Variants in SDK2 observed in about 807,000 individuals in gnomAD.
SDK2 encodes sidekick cell adhesion molecule 2.
A neutral mutation model predicts 253.9 loss-of-function variants in SDK2; 105 were observed. The observed-to-expected ratio is 0.41, with a 90% CI of 0.35 to 0.49. The LOEUF (loss-of-function observed/expected upper bound fraction) is 0.49, where lower values mean the gene tolerates loss of function less well. SDK2 is among the 20% of genes least tolerant of loss of function. The probability of loss-of-function intolerance (pLI) is 0.06; values close to 1 mark genes in which losing one functional copy is unlikely to be tolerated. For missense variants in SDK2, 2,608 were observed against 3,003.0 expected (o/e 0.87, Z 3.07); for synonymous variants, 1,249 against 1,234.9 (o/e 1.01, Z -0.24).
chr17:73,628,454 T>A (rs2046229938), intron 1 of SDK2, among the ~76,000 whole-genome samples: 1 of 152,208 alleles, frequency 6.6e-6, no homozygotes. Context: ...AGATTGACAT[T>A]GCACCTGCAA....
At chr17:73,412,206 A>C (rs1245977582) in intron 18 of SDK2, among the ~76,000 whole-genome samples, 1 of 149,286 alleles carries the variant, frequency 6.7e-6, no homozygotes, top group East Asian at 2.0e-4. Context: ...ATATACATAT[A>C]TGTATATGCA....
At position 73,335,455 on chromosome 17, in the gene SDK2, A is replaced by G. The variant is rs2062370624; in HGVS notation, c.*3132T>C. On this transcript the variant is annotated 3_prime_UTR_variant, in exon 45 of 45. Transcript: ENST00000392650. ...GGGTCCCACTCTTTCTACAAAGGGC[A>G]GGGCCCACCACCCCTTTCTAATGTG... 6.6e-6 allele frequency: 1 copy of G among 152,228 alleles called. No homozygotes were observed. Among genetic ancestry groups the G allele is most frequent in the Non-Finnish European group, 1.5e-5 (1 of 68,050 alleles). 9.4% of individuals were successfully genotyped at this position (152,228 alleles called of 1,614,324 possible). A position where few individuals can be genotyped will look rare whatever the true frequency, so the allele number is the denominator to read the frequency against.
intron 29 of SDK2, among the ~76,000 whole-genome samples, chr17:73,389,372 C>T (rs1440465932): frequency 2.0e-5 from 3 of 151,780 alleles, no homozygotes; most frequent in Non-Finnish European, 4.4e-5. Flanking sequence ...TTAGTAGGGA[C>T]GAGGTTTCAC....
intron 2 of SDK2, among the ~76,000 whole-genome samples, chr17:73,488,217 C>G (rs571978456): frequency 2.2e-4 from 34 of 151,690 alleles, no homozygotes; most frequent in African/African-American, 8.0e-4. Flanking sequence ...GGGGTTTCAC[C>G]GTGTTAGCCA....
intron 18 of SDK2, among the ~76,000 whole-genome samples, chr17:73,402,511 T>A (rs2063037146): frequency 6.6e-6 from 1 of 152,220 alleles, no homozygotes; most frequent in African/African-American, 2.4e-5. Context: ...CTAAGAATTT[T>A]AAGATGATAG....
Position 73,447,558 on chromosome 17 carries a change from C to T in SDK2, c.613+57G>A. Reference sequence around the variant, plus strand: ...TCTTCCCAATGATCCCCTGGAGCACCATTGCTAAGATTTAATGGCCCGCTC... The same window carrying T: ...TCTTCCCAATGATCCCCTGGAGCACTATTGCTAAGATTTAATGGCCCGCTC... On this transcript the variant is annotated intron_variant, in intron 5 of 44. Coordinates refer to ENST00000392650, the MANE Select transcript of SDK2 (RefSeq NM_001144952.2). This position sits in a 1 kb window ranked among gnomAD's most constrained non-coding sequence, Gnocchi z 4.0. The T allele has an allele frequency of 6.5e-7, 1 of 1,545,908 alleles. No homozygotes were observed. The highest frequency in any genetic ancestry group is 8.8e-7 in the Non-Finnish European group (1 of 1,142,362).
At chr17:73,553,603 G>T (rs2045097566) in intron 1 of SDK2, among the ~76,000 whole-genome samples, 1 of 152,040 alleles carries the variant, frequency 6.6e-6, no homozygotes, top group South Asian at 2.1e-4. Flanking sequence ...GAGGCCCAGG[G>T]TCACCCCTGA....
Position 73,367,372 on chromosome 17 carries a change from C to T in SDK2, c.5167+1035G>A, listed in dbSNP as rs183657880. Among the ~76,000 whole-genome samples, 15 of 152,302 alleles carry T rather than the reference C, an allele frequency of 9.8e-5. 1 individual carries two copies. In the East Asian group the frequency reaches 2.9e-3, roughly 29 times the overall value. ...CCTGAGCTCTCGCCCCATTTTCCTG[C>T]AAGCCACCTGGCTTTCTCTGCGTTC... On this transcript the variant is annotated intron_variant, in intron 37 of 44. Coordinates refer to ENST00000392650, the MANE Select transcript of SDK2 (RefSeq NM_001144952.2).
intron 1 of SDK2, among the ~76,000 whole-genome samples, chr17:73,603,619 T>C (rs1435007842): frequency 6.6e-6 from 1 of 152,228 alleles, no homozygotes; most frequent in Admixed American, 6.5e-5. Context: ...AGCAGCCACT[T>C]ACGCTTCCCA....
intron 12 of SDK2, among the ~76,000 whole-genome samples, chr17:73,429,553 T>A (rs2063309501): frequency 6.6e-6 from 1 of 152,210 alleles, no homozygotes; most frequent in Non-Finnish European, 1.5e-5. Flanking sequence ...ATAGGTCCAG[T>A]GGCCACCAGA....
In SDK2 at chr17:73,456,034, T is replaced by A. The variant is rs1367524725; in HGVS notation, c.351A>T (p.Glu117Asp). 2.0e-6 allele frequency: 3 copies of A among 1,523,194 alleles called. No individual in the cohort carries two copies. Among genetic ancestry groups the A allele is most frequent in the African/African-American group, 1.4e-5 (1 of 72,090 alleles). The allele number at this position is 1,523,194 out of a possible 1,614,324, so 94.4% of individuals were successfully genotyped here. Reference sequence around the variant, plus strand: ...GGGAGACGCTCTGGTGCTTCTCACCTTCCTCAAAGCTCCCCATGTCTGCAG... The same window carrying A: ...GGGAGACGCTCTGGTGCTTCTCACCATCCTCAAAGCTCCCCATGTCTGCAG... ...VQVAYMGSFEEGEKHQSVSHG... is the reference protein window; with the variant it reads ...VQVAYMGSFEDGEKHQSVSHG... Residue 117 changes from glutamate (E) to aspartate (D), a missense_variant, in exon 4 of 45, where the codon GAA (glutamate) becomes GAT (aspartate). Glu to Asp is a conservative substitution (Grantham distance 45, BLOSUM62 2). Around this residue, in one of 2 missense-constraint regions of SDK2, gnomAD observed 1,505 missense variants for 1,859.1 expected, o/e 0.81. Coordinates refer to ENST00000392650, the MANE Select transcript of SDK2 (RefSeq NM_001144952.2).
At position 73,422,409 on chromosome 17, in the gene SDK2, G is replaced by A. The variant is rs773416894; in HGVS notation, c.1923C>T (p.Ala641=). ...CTGAGGTAGCTTTGGGGTCCACACT[G>A]GCCAGGAGTACAGTCCAGGGGGCAT... The part of the protein sequence containing the change: ...ENNAPWTVLL[A]SVDPKATSVT... The change falls in exon 15 of 45, where the codon GCC becomes GCT. Residue 641 remains alanine (A), a synonymous_variant. Transcript: ENST00000392650. 1.2e-5 allele frequency: 19 copies of A among 1,613,974 alleles called. No individual in the cohort carries two copies. The Admixed American group carries it at 3.0e-4, about 25-fold the overall frequency.
At chr17:73,553,207 G>A (rs1428601218) in intron 1 of SDK2, among the ~76,000 whole-genome samples, 4 of 141,948 alleles carry the variant, frequency 2.8e-5, no homozygotes, top group Non-Finnish European at 6.1e-5. Flanking sequence ...TACCATCAGA[G>A]GCAAGAGGCA....
At chr17:73,373,620 A>T (rs1271965303) in intron 36 of SDK2, among the ~76,000 whole-genome samples, 2 of 152,032 alleles carry the variant, frequency 1.3e-5, no homozygotes, top group East Asian at 3.9e-4. Flanking sequence ...GCGATGTTGA[A>T]CACCTTCTTA....
chr17:73,355,387 C>T (rs1036041414), intron 40 of SDK2, among the ~76,000 whole-genome samples: 1 of 151,380 alleles, frequency 6.6e-6, no homozygotes, highest in African/African-American at 2.4e-5. Context: ...CACTCTGTCA[C>T]CCAGGCTGGA....
chr17:73,547,139 C>A (rs2044978644), intron 1 of SDK2, among the ~76,000 whole-genome samples: 1 of 152,226 alleles, frequency 6.6e-6, no homozygotes, highest in East Asian at 1.9e-4. Context: ...GACACAGCTG[C>A]AAGTGATATA....
At chr17:73,410,616 C>T (rs1599538198) in intron 18 of SDK2, among the ~76,000 whole-genome samples, 1 of 152,140 alleles carries the variant, frequency 6.6e-6, no homozygotes, top group Non-Finnish European at 1.5e-5. Flanking sequence ...CACCCCCGGC[C>T]GATAATGCTG....
chr17:73,583,812 G>A (rs1327479038), intron 1 of SDK2, among the ~76,000 whole-genome samples: 1 of 152,196 alleles, frequency 6.6e-6, no homozygotes, highest in Non-Finnish European at 1.5e-5. Context: ...GGGTCCAGGG[G>A]CTGAAATTTT....
intron 1 of SDK2, among the ~76,000 whole-genome samples, chr17:73,615,904 TACAC>T (rs377186599): frequency 6.6e-6 from 1 of 152,162 alleles, no homozygotes; most frequent in African/African-American, 2.4e-5. Context: ...TACATATATG[TACAC>T]ACAGTCACAT....
Sources: allele counts gnomAD v4.1 joint callset (sites outside exome capture counted in the v4.1 genomes callset), GRCh38; gene constraint gnomAD v4.1.1; regional missense constraint gnomAD v4.1.1; non-coding constraint Gnocchi (gnomAD v3.1); transcripts MANE v1.5; gene names NCBI Gene and HGNC (gene_info 2026-07-23, HGNC 2026-07-21).